PAPPA2: variants seen among roughly 807,000 people sequenced by gnomAD.
The protein encoded by PAPPA2 is pappalysin 2.
Under a neutral mutation model 176.4 loss-of-function variants are expected in PAPPA2, and 86 were observed. That is an observed-to-expected ratio of 0.49 (90% confidence interval 0.41 to 0.58). The LOEUF is 0.58. PAPPA2 is among the 20% of genes least tolerant of loss of function. PAPPA2 has a pLI of 0.00. For missense variants in PAPPA2, 2,073 were observed against 2,256.9 expected (o/e 0.92, Z 1.65); for synonymous variants, 809 against 852.2 (o/e 0.95, Z 0.88).
intron 3 of PAPPA2, among the ~76,000 whole-genome samples, chr1:176,667,011 C>T (rs902108064): frequency 1.3e-5 from 2 of 151,920 alleles, no homozygotes; most frequent in African/African-American, 4.8e-5. Context: ...TTTGGGAGGC[C>T]GAGGCGGGCA....
chr1:176,632,169 T>C (rs1356262856), intron 3 of PAPPA2, among the ~76,000 whole-genome samples: 6 of 152,056 alleles, frequency 3.9e-5, no homozygotes, highest in African/African-American at 1.4e-4. Context: ...GTTAGAGATA[T>C]GTTGGATTGC....
intron 14 of PAPPA2, among the ~76,000 whole-genome samples, chr1:176,756,492 T>A (rs1230778685): frequency 6.6e-6 from 1 of 152,224 alleles, no homozygotes; most frequent in African/African-American, 2.4e-5. Context: ...TGATTCTGCT[T>A]CCCAGGGCAA....
chr1:176,471,604 C>T (rs575805718), intron 1 of PAPPA2, among the ~76,000 whole-genome samples: 3 of 152,282 alleles, frequency 2.0e-5, no homozygotes, highest in African/African-American at 7.2e-5. Flanking sequence ...GCCTCCCTCC[C>T]CATGAAAGTA....
chr1:176,673,964 A>T (rs1659152539), intron 4 of PAPPA2, among the ~76,000 whole-genome samples: 1 of 152,136 alleles, frequency 6.6e-6, no homozygotes, highest in Admixed American at 6.6e-5. Flanking sequence ...AGAGACCAGG[A>T]TCCTAGAGAA....
chr1:176,629,484 G>A (rs1656224185), intron 3 of PAPPA2, among the ~76,000 whole-genome samples: 1 of 152,098 alleles, frequency 6.6e-6, no homozygotes, highest in Admixed American at 6.6e-5. Context: ...CAGAGCCTCA[G>A]ATATCAATAT....
At chr1:176,728,764 G>A (rs376033374) in intron 12 of PAPPA2, among the ~76,000 whole-genome samples, 3 of 151,808 alleles carry the variant, frequency 2.0e-5, no homozygotes, top group African/African-American at 7.3e-5. Flanking sequence ...ACACATCAAG[G>A]TGCTATATAT....
At chr1:176,533,331 C>T (rs985044792) in intron 1 of PAPPA2, among the ~76,000 whole-genome samples, 3 of 152,234 alleles carry the variant, frequency 2.0e-5, no homozygotes, top group Admixed American at 1.3e-4. Flanking sequence ...GAAATATTCC[C>T]TGTGACTCTG....
At chr1:176,586,019 T>C (rs1441748133) in intron 2 of PAPPA2, among the ~76,000 whole-genome samples, 3 of 152,156 alleles carry the variant, frequency 2.0e-5, no homozygotes, top group African/African-American at 7.2e-5. Context: ...TTCCTTGTAA[T>C]TGAATTTTGT....
chr1:176,655,301 T>C (rs1441191120), intron 3 of PAPPA2, among the ~76,000 whole-genome samples: 1 of 151,798 alleles, frequency 6.6e-6, no homozygotes, highest in Non-Finnish European at 1.5e-5. Flanking sequence ...TTTTTTCAAA[T>C]GCTTTTTCTG....
At chr1:176,742,498 A>G (rs1461354223) in intron 14 of PAPPA2, among the ~76,000 whole-genome samples, 1 of 152,204 alleles carries the variant, frequency 6.6e-6, no homozygotes. Flanking sequence ...GAAATAGGAT[A>G]TGATTCTCCA....
chr1:176,550,442 G>C (rs1173886019), intron 1 of PAPPA2, among the ~76,000 whole-genome samples: 1 of 152,168 alleles, frequency 6.6e-6, no homozygotes, highest in Non-Finnish European at 1.5e-5. Flanking sequence ...GATGAGCGGG[G>C]AAGAACCCAG....
intron 1 of PAPPA2, among the ~76,000 whole-genome samples, chr1:176,472,824 G>A (rs968396578): frequency 6.6e-6 from 1 of 151,990 alleles, no homozygotes; most frequent in African/African-American, 2.4e-5. Flanking sequence ...GTCTGCATTT[G>A]TCTCTACTTT....
chr1:176,590,542 T>C lies in PAPPA2; in HGVS notation c.920-3982T>C, dbSNP rs551257881. The stretch of plus-strand genomic sequence containing the variant: ...TTCTCCTCATCACAGCTAATGTTTA[T>C]TAATCACTTTATTTGAGCTGAACAC... On this transcript the variant is annotated intron_variant, in intron 2 of 22. Coordinates refer to ENST00000367662, the MANE Select transcript of PAPPA2 (RefSeq NM_020318.3). Among the ~76,000 whole-genome samples, 100 of 152,340 alleles carry C rather than the reference T, an allele frequency of 6.6e-4. 4 individuals are homozygous for C. The South Asian group carries it at 0.021, about 31-fold the overall frequency.
intron 21 of PAPPA2, among the ~76,000 whole-genome samples, chr1:176,800,643 GA>G (rs1469884366): frequency 6.6e-6 from 1 of 152,072 alleles, no homozygotes; most frequent in African/African-American, 2.4e-5. Context: ...TTTTTCTCTT[GA>G]AAAACAAGAC....
chr1:176,653,197 T>A (rs1657838978), intron 3 of PAPPA2, among the ~76,000 whole-genome samples: 1 of 151,776 alleles, frequency 6.6e-6, no homozygotes, highest in Admixed American at 6.6e-5. Context: ...TCCTCCACAA[T>A]GTGTATTTCA....
rs35029858 is a variant in PAPPA2 at position 176,781,365 on chromosome 1, CTTTTTTTTTTTTTTTTTT to C, written c.4716-8428_4716-8411del. Among the ~76,000 whole-genome samples the C allele has an allele frequency of 4.1e-4, 19 of 46,244 alleles. 1 individual carries two copies. Among genetic ancestry groups the C allele is most frequent in the Admixed American group, 2.0e-3 (5 of 2,538 alleles). The allele number at this position is 46,244 out of a possible 152,430, so 30.3% of individuals were successfully genotyped here. A position where few individuals can be genotyped will look rare whatever the true frequency, so the allele number is the denominator to read the frequency against. On this transcript the variant is annotated intron_variant, in intron 17 of 22. Transcript: ENST00000367662. ...CATGTGAGAAGAGCTTTGTAAGGGG[CTTTTTTTTTTTTTTTTTT>C]TTTTTTTTTTTTTTTGTCAGGGAAG...
At position 176,706,343 on chromosome 1, in the gene PAPPA2, A is replaced by G. The variant is rs143908361; in HGVS notation, c.3366-16A>G. On this transcript the variant is annotated splice_polypyrimidine_tract_variant and intron_variant, in intron 9 of 22. Coordinates refer to ENST00000367662, the MANE Select transcript of PAPPA2 (RefSeq NM_020318.3). ...GTGTGTATGTGTTATATATGCATAT[A>G]TATTTTACCCTCTAGGAGACTGGGA... 1.9e-3 allele frequency: 3,010 copies of G among 1,609,576 alleles called. 25 individuals carry two copies. Among genetic ancestry groups the G allele is most frequent in the African/African-American group, 0.018 (1,364 of 74,918 alleles).
At chr1:176,756,998 G>A (rs1663458919) in intron 14 of PAPPA2, among the ~76,000 whole-genome samples, 2 of 152,166 alleles carry the variant, frequency 1.3e-5, no homozygotes, top group African/African-American at 2.4e-5. Context: ...GAGAATGATG[G>A]TTTCCAGCTT....
intron 8 of PAPPA2, 90 bp from the exon 9 acceptor site, chr1:176,702,517 T>C (rs993251701): frequency 8.4e-6 from 13 of 1,540,358 alleles, no homozygotes; most frequent in Non-Finnish European, 1.1e-5. Flanking sequence ...CCATAATATT[T>C]CCCTTCAACT....
Sources: allele counts gnomAD v4.1 joint callset (sites outside exome capture counted in the v4.1 genomes callset), GRCh38; gene constraint gnomAD v4.1.1; transcripts MANE v1.5; gene names NCBI Gene and HGNC (gene_info 2026-07-23, HGNC 2026-07-21).